Variants in REDIC1 observed in about 807,000 individuals in gnomAD.
REDIC1 encodes HEI10 Interacting Protein 1.
the REDIC1 span, among the ~76,000 whole-genome samples, chr12:39,651,549 A>G: frequency 2.0e-5 from 3 of 151,864 alleles, no homozygotes; most frequent in Admixed American, 2.0e-4. Context: ...CTTTCCTTCA[A>G]CTCTCAATGT....
the REDIC1 span, among the ~76,000 whole-genome samples, chr12:39,742,407 T>C: frequency 6.6e-6 from 1 of 152,236 alleles, no homozygotes; most frequent in Non-Finnish European, 1.5e-5. Flanking sequence ...ATTTGAAGGC[T>C]GCGCTCTTGG....
chr12:39,764,548 T>A, the REDIC1 span: 1 of 1,611,882 alleles, frequency 6.2e-7, no homozygotes, highest in Non-Finnish European at 8.5e-7. Flanking sequence ...AACATGCATT[T>A]CCTGTACTTC....
chr12:39,840,681 G>A, the REDIC1 span, among the ~76,000 whole-genome samples: 9 of 152,042 alleles, frequency 5.9e-5, no homozygotes, highest in Admixed American at 5.2e-4. Context: ...CAGAATCAGA[G>A]GCATCACTAT....
the REDIC1 span, among the ~76,000 whole-genome samples, chr12:39,658,304 C>T: frequency 2.0e-5 from 3 of 152,220 alleles, no homozygotes; most frequent in East Asian, 5.8e-4. Context: ...AGACTGGTCT[C>T]GAACTCCTGA....
At chr12:39,778,369 C>T in the REDIC1 span, among the ~76,000 whole-genome samples, 1 of 152,214 alleles carries the variant, frequency 6.6e-6, no homozygotes, top group South Asian at 2.1e-4. Context: ...TTATTGCCAG[C>T]TCTTGGGGGC....
At chr12:39,880,810 G>A in the REDIC1 span, among the ~76,000 whole-genome samples, 15 of 152,072 alleles carry the variant, frequency 9.9e-5, no homozygotes, top group Non-Finnish European at 1.9e-4. Context: ...GTCTCACCTC[G>A]CTCAGCCACA....
At chr12:39,666,535 G>A in the REDIC1 span, among the ~76,000 whole-genome samples, 1 of 151,956 alleles carries the variant, frequency 6.6e-6, no homozygotes, top group Non-Finnish European at 1.5e-5. Context: ...CTCTTTTTTT[G>A]TTGTGTCTCT....
chr12:39,632,287 A>C, the REDIC1 span, among the ~76,000 whole-genome samples: 1 of 151,758 alleles, frequency 6.6e-6, no homozygotes, highest in East Asian at 1.9e-4. Context: ...TAGTAGAGAC[A>C]GGGTTTCACC....
At chr12:39,686,255 A>G in the REDIC1 span, among the ~76,000 whole-genome samples, 1 of 152,216 alleles carries the variant, frequency 6.6e-6, no homozygotes, top group Non-Finnish European at 1.5e-5. Flanking sequence ...AGTAGAGGTT[A>G]TCCATGATAG....
the REDIC1 span, among the ~76,000 whole-genome samples, chr12:39,804,856 G>T: frequency 6.6e-6 from 1 of 152,152 alleles, no homozygotes; most frequent in Non-Finnish European, 1.5e-5. Flanking sequence ...GGTAAGTAGG[G>T]CTAGGACATC....
At chr12:39,872,033 G>T in the REDIC1 span, 1 of 1,321,322 alleles carries the variant, frequency 7.6e-7, no homozygotes. Context: ...GATAGAAAAA[G>T]ATGTATTCAA....
the REDIC1 span, among the ~76,000 whole-genome samples, chr12:39,800,759 G>T: frequency 6.7e-4 from 3 of 4,478 alleles, no homozygotes; most frequent in Non-Finnish European, 9.9e-4. Flanking sequence ...TATACCCAAA[G>T]GACTATAAAT....
At chr12:39,764,899 G>T in the REDIC1 span, 4 of 1,590,606 alleles carry the variant, frequency 2.5e-6, no homozygotes, top group South Asian at 2.3e-5. Flanking sequence ...TAATGTTTTT[G>T]ACTACAGTTG....
the REDIC1 span, among the ~76,000 whole-genome samples, chr12:39,663,358 T>C: frequency 6.6e-6 from 1 of 152,132 alleles, no homozygotes; most frequent in Non-Finnish European, 1.5e-5. Flanking sequence ...TTTACCATTA[T>C]ATAATGACCT....
At chr12:39,694,677 A>T in the REDIC1 span, among the ~76,000 whole-genome samples, 2 of 151,994 alleles carry the variant, frequency 1.3e-5, no homozygotes, top group African/African-American at 4.8e-5. Context: ...AGGCCACAAG[A>T]ACTGCAACTC....
At chr12:39,891,230 G>T in the REDIC1 span, among the ~76,000 whole-genome samples, 1 of 150,518 alleles carries the variant, frequency 6.6e-6, no homozygotes, top group African/African-American at 2.4e-5. Context: ...ACCTTCTGCT[G>T]AGCTCTGCCT....
At chr12:39,668,581 T>G in the REDIC1 span, among the ~76,000 whole-genome samples, 13 of 151,604 alleles carry the variant, frequency 8.6e-5, no homozygotes, top group African/African-American at 2.9e-4. Context: ...CTTTGTGGTG[T>G]TCTCTGTTAA....
At chr12:39,628,155 T>C in the REDIC1 span, among the ~76,000 whole-genome samples, 6 of 152,192 alleles carry the variant, frequency 3.9e-5, no homozygotes, top group African/African-American at 1.4e-4. Context: ...ACTCAATTTG[T>C]GTGATCAACT....
chr12:39,687,489 A>AG, the REDIC1 span, among the ~76,000 whole-genome samples: 120,399 of 151,896 alleles, frequency 0.79, 48,456 homozygotes, highest in Non-Finnish European at 0.87. Context: ...GTGAGGTGGG[A>AG]GTGCCACACA....
Sources: gnomAD v4.1 joint callset for allele counts (sites outside exome capture counted in the v4.1 genomes callset) on GRCh38, gnomAD v4.1.1 for gene constraint, MANE v1.5 for transcripts, NCBI Gene and HGNC (gene_info 2026-07-23, HGNC 2026-07-21) for gene names.